Variants in ATG3 observed in about 807,000 individuals in gnomAD.
ATG3 encodes the protein autophagy related 3.
Under a neutral mutation model 50.7 loss-of-function variants are expected in ATG3, and 25 were observed. The ratio of observed to expected loss-of-function variants is 0.49; its 90% CI spans 0.36 to 0.69. ATG3 has a LOEUF of 0.69. Ranked by LOEUF, ATG3 falls within the 30% of genes least tolerant of loss-of-function variation. The pLI is 0.00. For synonymous variants in ATG3, 119 were observed against 125.5 expected (o/e 0.95, Z 0.34); for missense variants, 281 against 376.0 (o/e 0.75, Z 2.09).
chr3:112,561,820 G>A lies in ATG3; in HGVS notation c.-292C>T, dbSNP rs1933901854. The A allele has an allele frequency of 7.2e-6, 3 of 417,566 alleles. No homozygotes were observed. The highest frequency in any genetic ancestry group is 1.3e-5 in the Non-Finnish European group (3 of 233,276). The allele number at this position is 417,566 out of a possible 1,614,324, so 25.9% of individuals were successfully genotyped here. A position where few individuals can be genotyped will look rare whatever the true frequency, so the allele number is the denominator to read the frequency against. ...GGGCAGCGGGGCCGAAGGGAGACCT[G>A]AGGTGAGAAGCGGACGCACACGCAC... On this transcript the variant is annotated 5_prime_UTR_variant, in exon 1 of 12. Coordinates refer to ENST00000283290, the MANE Select transcript of ATG3 (RefSeq NM_022488.5).
chr3:112,555,509 C>T (rs892712405), intron 2 of ATG3, among the ~76,000 whole-genome samples: 4 of 152,212 alleles, frequency 2.6e-5, no homozygotes. Context: ...GTCATACATA[C>T]ATCCAACATT....
At chr3:112,538,408 C>T in intron 7 of ATG3, 2 of 452,940 alleles carry the variant, frequency 4.4e-6, no homozygotes, top group Non-Finnish European at 7.9e-6. Flanking sequence ...ACTGTAGAGT[C>T]CTCAGTGGCT....
intron 2 of ATG3, among the ~76,000 whole-genome samples, chr3:112,555,115 T>C (rs542375116): frequency 6.6e-6 from 1 of 152,316 alleles, no homozygotes; most frequent in Non-Finnish European, 1.5e-5. Flanking sequence ...TGTATTGCCT[T>C]GAGGTAACAA....
intron 1 of ATG3, among the ~76,000 whole-genome samples, chr3:112,559,315 TAG>T (rs1933773860): frequency 6.6e-6 from 1 of 152,206 alleles, no homozygotes; most frequent in Non-Finnish European, 1.5e-5. Flanking sequence ...GATTTTCTGG[TAG>T]AGTCTACAAA....
In ATG3 at chr3:112,558,498, G is replaced by C; in HGVS notation, c.73-81C>G. 2.6e-6 allele frequency: 3 copies of C among 1,136,306 alleles called. No individual in the cohort carries two copies. The South Asian group carries it at 3.8e-5, about 14-fold the overall frequency. 70.4% of individuals were successfully genotyped at this position (1,136,306 alleles called of 1,614,324 possible). A position where few individuals can be genotyped will look rare whatever the true frequency, so the allele number is the denominator to read the frequency against. ...ATATTTTGGGGGCAATTATTTGCCT[G>C]GTGCCCTTCTAGGCAATAGAGCACA... On this transcript the variant is annotated intron_variant, in intron 1 of 11. Transcript: ENST00000283290.
In ATG3 at chr3:112,561,606, G is replaced by A. The variant is rs1286256863; in HGVS notation, c.-78C>T. 1.4e-6 allele frequency: 2 copies of A among 1,427,400 alleles called. No individual in the cohort carries two copies. The highest frequency in any genetic ancestry group is 1.2e-5 in the South Asian group (1 of 82,790). The allele number at this position is 1,427,400 out of a possible 1,614,324, so 88.4% of individuals were successfully genotyped here. ...GTCAGGGGCCAGGGAGTCAGAAAAT[G>A]TCCTCGCTGCCACCGACTCGCATCA... On this transcript the variant is annotated 5_prime_UTR_variant, in exon 1 of 12. Transcript: ENST00000283290.
intron 3 of ATG3, among the ~76,000 whole-genome samples, chr3:112,551,640 G>A (rs769142627): frequency 6.6e-6 from 1 of 151,730 alleles, no homozygotes; most frequent in African/African-American, 2.4e-5. Flanking sequence ...AATTAAGCTG[G>A]TAGAACAAAG....
chr3:112,546,039 A>T (rs1209640975), intron 5 of ATG3, among the ~76,000 whole-genome samples: 3 of 151,244 alleles, frequency 2.0e-5, no homozygotes, highest in Non-Finnish European at 4.4e-5. Context: ...TTAGGACTAA[A>T]GCTGCAATAT....
chr3:112,550,297 C>A (rs773995584), intron 3 of ATG3, 35 bp from the exon 4 acceptor site: 1 of 1,511,298 alleles, frequency 6.6e-7, no homozygotes, highest in Non-Finnish European at 9.2e-7. Flanking sequence ...AAATACAAAA[C>A]ATATTTTAAT....
At chr3:112,558,540 T>C (rs536095568) in intron 1 of ATG3, 123 bp from the exon 2 acceptor site, 1 of 710,616 alleles carries the variant, frequency 1.4e-6, no homozygotes, top group Admixed American at 2.4e-5. Context: ...AAAAAATTAG[T>C]CTATCTATCT....
chr3:112,558,249 C>G, intron 2 of ATG3, 127 bp downstream of exon 2: 1 of 659,124 alleles, frequency 1.5e-6, no homozygotes, highest in Non-Finnish European at 2.6e-6. Flanking sequence ...CCATAAATCA[C>G]AGTCATAAAA....
At chr3:112,539,240 C>A (rs1933158488) in intron 7 of ATG3, among the ~76,000 whole-genome samples, 1 of 152,152 alleles carries the variant, frequency 6.6e-6, no homozygotes, top group Non-Finnish European at 1.5e-5. Flanking sequence ...AACAAACAAA[C>A]AAACAAAACC....
At chr3:112,550,426 G>C (rs909363503) in intron 3 of ATG3, among the ~76,000 whole-genome samples, 164 bp from the exon 4 acceptor site, 2 of 152,094 alleles carry the variant, frequency 1.3e-5, no homozygotes, top group African/African-American at 2.4e-5. Flanking sequence ...ACATGTCAGG[G>C]CATGGAGAAA....
Position 112,532,743 on chromosome 3 carries a change from T to C in ATG3, c.901A>G (p.Ile301Val). ...LIFLKFVQAVIPTIEYDYTRH... is the reference protein window; with the variant it reads ...LIFLKFVQAVVPTIEYDYTRH... ...GTGTAGTCATATTCTATTGTTGGAA[T>C]GACAGCTTGTACAAATTTCAAGAAA... is the stretch of plus-strand genomic sequence containing the variant. Residue 301 changes from isoleucine to valine, a missense_variant, in exon 12 of 12, where the codon ATT becomes GTT. Physicochemically the swap from Ile to Val is conservative, Grantham distance 29. Transcript: ENST00000283290. The C allele has an allele frequency of 6.2e-7, 1 of 1,600,286 alleles. No homozygotes were observed. Among genetic ancestry groups the C allele is most frequent in the South Asian group, 1.1e-5 (1 of 89,052 alleles).
chr3:112,538,747 T>C (rs926071513), intron 7 of ATG3, among the ~76,000 whole-genome samples: 4 of 152,190 alleles, frequency 2.6e-5, no homozygotes, highest in African/African-American at 9.6e-5. Context: ...ACCACACTTA[T>C]TTCTGTAACG....
intron 3 of ATG3, among the ~76,000 whole-genome samples, chr3:112,551,120 G>A (rs1411811841): frequency 2.0e-5 from 3 of 152,126 alleles, no homozygotes; most frequent in Admixed American, 6.5e-5. Flanking sequence ...ATCTGAAAAC[G>A]GTGAGAGGTG....
chr3:112,548,477 A>G, intron 5 of ATG3, 56 bp downstream of exon 5: 1 of 1,390,018 alleles, frequency 7.2e-7, no homozygotes, highest in Non-Finnish European at 1.0e-6. Context: ...CTATTATAAA[A>G]GATTGTGAAA....
In ATG3 at chr3:112,532,786, G is replaced by T; in HGVS notation, c.864-6C>A. 1 of 1,573,306 alleles carries T rather than the reference G, an allele frequency of 6.4e-7. No individual in the cohort carries two copies. On this transcript the variant is annotated splice_polypyrimidine_tract_variant and splice_region_variant and intron_variant, in intron 11 of 11. Transcript: ENST00000283290. ...TCAAGAAAATAAGAAGATACCTAAA[G>T]GTTTTTAGCTAAGGAAAATAAGATT...
At chr3:112,559,943 C>T (rs1266832930) in intron 1 of ATG3, among the ~76,000 whole-genome samples, 1 of 152,196 alleles carries the variant, frequency 6.6e-6, no homozygotes, top group Non-Finnish European at 1.5e-5. Context: ...CTTGCCCTCC[C>T]TAAGCAGGAA....
Sources: gnomAD v4.1 joint callset for allele counts (sites outside exome capture counted in the v4.1 genomes callset) on GRCh38, gnomAD v4.1.1 for gene constraint, MANE v1.5 for transcripts, NCBI Gene and HGNC (gene_info 2026-07-23, HGNC 2026-07-21) for gene names.